Variants in NCALD observed in about 807,000 individuals in gnomAD.
NCALD encodes the protein neurocalcin-delta.
In NCALD, 10 loss-of-function variants were observed where a neutral mutation model predicts 18.6. The observed-to-expected ratio is 0.54, with a 90% confidence interval of 0.33 to 0.91. NCALD has a LOEUF of 0.91. Among genes scored for constraint, NCALD ranks in the 40% least tolerant of loss-of-function variants. The pLI is 0.03. For missense variants in NCALD, 184 were observed against 247.6 expected, an observed-to-expected ratio of 0.74 and a Z score of 1.72; for synonymous variants, 88 against 87.4, an observed-to-expected ratio of 1.01 and a Z score of -0.04.
intron 4 of NCALD, among the ~76,000 whole-genome samples, chr8:101,826,015 T>C (rs1023118977): frequency 6.6e-6 from 1 of 152,196 alleles, no homozygotes; most frequent in Non-Finnish European, 1.5e-5. Context: ...ATGGCTTTTG[T>C]TGCTAGAATC....
At chr8:101,762,209 C>T (rs992126122) in intron 1 of NCALD, among the ~76,000 whole-genome samples, 8 of 152,136 alleles carry the variant, frequency 5.3e-5, no homozygotes, top group African/African-American at 1.9e-4. Context: ...TCCCCAACCC[C>T]CCCACAGAGC....
chr8:101,813,169 T>C (rs1813369809), intron 4 of NCALD, among the ~76,000 whole-genome samples: 1 of 152,134 alleles, frequency 6.6e-6, no homozygotes, highest in African/African-American at 2.4e-5. Context: ...GAAAGATAGC[T>C]ACTGGTGCTT....
intron 2 of NCALD, among the ~76,000 whole-genome samples, chr8:102,014,343 G>C (rs1389910287): frequency 6.6e-6 from 1 of 152,074 alleles, no homozygotes; most frequent in African/African-American, 2.4e-5. Flanking sequence ...TCTTTTATTA[G>C]GGCATGAATT....
chr8:101,949,988 G>A (rs1258331725), intron 2 of NCALD, among the ~76,000 whole-genome samples: 2 of 152,206 alleles, frequency 1.3e-5, no homozygotes, highest in Non-Finnish European at 2.9e-5. Flanking sequence ...GCAACAAGGG[G>A]CTCTGAGCAG....
intron 3 of NCALD, chr8:101,691,595 C>T (rs901188979): frequency 2.2e-5 from 22 of 985,278 alleles, no homozygotes; most frequent in African/African-American, 7.0e-5. Flanking sequence ...AGTTAATTAA[C>T]TATTAAAATA....
At chr8:101,967,217 A>G (rs1820063436) in intron 2 of NCALD, among the ~76,000 whole-genome samples, 1 of 152,200 alleles carries the variant, frequency 6.6e-6, no homozygotes, top group African/African-American at 2.4e-5. Context: ...CAGTTGATTC[A>G]TGAACAGTGT....
intron 4 of NCALD, among the ~76,000 whole-genome samples, chr8:101,852,047 G>A (rs1230745131): frequency 6.6e-6 from 1 of 152,082 alleles, no homozygotes; most frequent in East Asian, 1.9e-4. Context: ...TGAAGAACAG[G>A]CCTTCACCTC....
At chr8:101,785,350 T>A (rs892306762) in intron 1 of NCALD, among the ~76,000 whole-genome samples, 2 of 152,190 alleles carry the variant, frequency 1.3e-5, no homozygotes, top group African/African-American at 4.8e-5. Flanking sequence ...CTAATACCTG[T>A]CAGTTTCTAT....
chr8:102,013,803 C>T (rs183848431), intron 2 of NCALD, among the ~76,000 whole-genome samples: 160 of 152,230 alleles, frequency 1.1e-3, no homozygotes, highest in Non-Finnish European at 1.8e-3. Context: ...CCAGAAATCA[C>T]GGCTAGCATT....
At chr8:101,932,253 A>T (rs1460013735) in intron 2 of NCALD, among the ~76,000 whole-genome samples, 1 of 152,156 alleles carries the variant, frequency 6.6e-6, no homozygotes, top group Non-Finnish European at 1.5e-5. Flanking sequence ...GCAGAGGAGT[A>T]AAGCCCCTGA....
rs1414490470 is a variant in NCALD at position 101,801,828 on chromosome 8, A to G, written c.-19-82180T>C. Among the ~76,000 whole-genome samples, 5 of 151,134 alleles carry G rather than the reference A, an allele frequency of 3.3e-5. No homozygotes were observed. In the South Asian group the frequency reaches 6.3e-4, roughly 19 times the overall value. On this transcript the variant is annotated intron_variant, in intron 4 of 6. Coordinates refer to the NCALD transcript ENST00000311028. ...ACTACAGGTGCCCGCCACCATGCCCAGCTAATTTTTTGTATTTTTAGTAGA... is the reference window on the plus strand; with the variant it reads ...ACTACAGGTGCCCGCCACCATGCCCGGCTAATTTTTTGTATTTTTAGTAGA...
At chr8:101,748,007 C>T (rs747643132) in intron 1 of NCALD, among the ~76,000 whole-genome samples, 33 of 152,080 alleles carry the variant, frequency 2.2e-4, no homozygotes, top group Non-Finnish European at 3.2e-4. Context: ...CATGAACCAC[C>T]GCACCCAGTG....
At chr8:101,943,105 T>C (rs532707766) in intron 2 of NCALD, among the ~76,000 whole-genome samples, 6 of 152,248 alleles carry the variant, frequency 3.9e-5, no homozygotes, top group African/African-American at 1.4e-4. Context: ...GAACCAAACA[T>C]TGTTGGGGGG....
intron 1 of NCALD, among the ~76,000 whole-genome samples, chr8:102,101,727 T>G (rs1478867651): frequency 6.6e-6 from 1 of 152,190 alleles, no homozygotes; most frequent in Non-Finnish European, 1.5e-5. Context: ...CCCACATTAG[T>G]CTCAGACTAG....
intron 1 of NCALD, among the ~76,000 whole-genome samples, chr8:102,038,889 G>A (rs1158905883): frequency 6.6e-6 from 1 of 152,148 alleles, no homozygotes; most frequent in South Asian, 2.1e-4. Flanking sequence ...TAGCCAACTA[G>A]AGAGGGATCA....
At chr8:102,081,469 C>G (rs1479220568) in intron 1 of NCALD, among the ~76,000 whole-genome samples, 1 of 142,452 alleles carries the variant, frequency 7.0e-6, no homozygotes, top group Non-Finnish European at 1.5e-5. Flanking sequence ...GTGGCACAAA[C>G]GGGCCCTGGG....
At chr8:101,797,240 C>T (rs1042159327) in intron 4 of NCALD, among the ~76,000 whole-genome samples, 11 of 152,106 alleles carry the variant, frequency 7.2e-5, no homozygotes, top group Middle Eastern at 3.4e-3. Flanking sequence ...GGGTTTGCAA[C>T]GCAAAACAAC....
chr8:101,832,021 C>T (rs528907317), intron 4 of NCALD, among the ~76,000 whole-genome samples: 9 of 152,184 alleles, frequency 5.9e-5, no homozygotes, highest in Non-Finnish European at 8.8e-5. Flanking sequence ...ACCAAACCTG[C>T]CTCTGGGTTT....
At chr8:101,956,207 T>C (rs1469295909) in intron 2 of NCALD, among the ~76,000 whole-genome samples, 1 of 152,206 alleles carries the variant, frequency 6.6e-6, no homozygotes, top group Non-Finnish European at 1.5e-5. Flanking sequence ...AGACTTCATT[T>C]GGCCAGCACT....
Sources: gnomAD v4.1 joint callset for allele counts (sites outside exome capture counted in the v4.1 genomes callset) on GRCh38, gnomAD v4.1.1 for gene constraint, MANE v1.5 for transcripts, NCBI Gene and HGNC (gene_info 2026-07-23, HGNC 2026-07-21) for gene names.